The following PARD3 variants were observed in gnomAD, a reference collection of about 807,000 sequenced individuals.
PARD3 encodes the protein par-3 family cell polarity regulator.
A neutral mutation model predicts 155.4 loss-of-function variants in PARD3; 75 were observed. The observed-to-expected ratio is 0.48, with a 90% CI of 0.40 to 0.58. PARD3 has a LOEUF of 0.58. Ranked by LOEUF, PARD3 falls within the 20% of genes least tolerant of loss-of-function variation. The pLI is 0.00. For missense variants in PARD3, 1,642 were observed against 1,721.7 expected (o/e 0.95, Z 0.82); for synonymous variants, 576 against 610.5 (o/e 0.94, Z 0.83).
chr10:34,806,716 G>A (rs527492106), intron 1 of PARD3, among the ~76,000 whole-genome samples: 116 of 152,262 alleles, frequency 7.6e-4, no homozygotes, highest in African/African-American at 2.6e-3. Context: ...TGGGGGGGTC[G>A]GGGTGAGGCA....
At chr10:34,336,298 T>G in intron 17 of PARD3, 55 bp from the exon 18 acceptor site, 2 of 1,303,276 alleles carry the variant, frequency 1.5e-6, no homozygotes, top group Admixed American at 3.5e-5. Flanking sequence ...TAGCCCACCA[T>G]GCTTCCACCA....
chr10:34,719,044 C>G (rs945170291), intron 1 of PARD3, among the ~76,000 whole-genome samples: 1 of 152,190 alleles, frequency 6.6e-6, no homozygotes, highest in Non-Finnish European at 1.5e-5. Flanking sequence ...ACAATACACT[C>G]CATCACAACT....
chr10:34,213,620 A>T (rs773176858), intron 22 of PARD3, among the ~76,000 whole-genome samples: 1 of 152,130 alleles, frequency 6.6e-6, no homozygotes, highest in African/African-American at 2.4e-5. Context: ...TTGGTTTCCT[A>T]TTTGGTTATG....
At chr10:34,377,064 G>C (rs1371399013) in intron 10 of PARD3, among the ~76,000 whole-genome samples, 2 of 151,928 alleles carry the variant, frequency 1.3e-5, no homozygotes, top group African/African-American at 4.8e-5. Flanking sequence ...ATTCAAAAAC[G>C]ATTTTTCTTT....
chr10:34,277,683 C>G (rs566226577), intron 21 of PARD3, among the ~76,000 whole-genome samples: 19 of 152,218 alleles, frequency 1.2e-4, no homozygotes, highest in Admixed American at 1.2e-3. Context: ...GGAAAGTTAA[C>G]TTGCATCCCT....
intron 1 of PARD3, among the ~76,000 whole-genome samples, chr10:34,738,051 C>G (rs2094947042): frequency 6.6e-6 from 1 of 152,208 alleles, no homozygotes; most frequent in Non-Finnish European, 1.5e-5. Flanking sequence ...GGATATGGGT[C>G]TTACTACAGG....
chr10:34,384,096 G>C (rs779234093), intron 8 of PARD3, 33 bp downstream of exon 8: 61 of 1,604,596 alleles, frequency 3.8e-5, no homozygotes, highest in Non-Finnish European at 5.2e-5. Context: ...CCTAATGCAA[G>C]TAAGAACAGA....
Position 34,595,479 on chromosome 10 carries a change from C to T in PARD3, c.223-78320G>A, listed in dbSNP as rs1283882368. Among the ~76,000 whole-genome samples the T allele has an allele frequency of 4.6e-5, 7 of 152,200 alleles. No individual in the cohort carries two copies. In the East Asian group the frequency reaches 1.4e-3, roughly 29 times the overall value. On this transcript the variant is annotated intron_variant, in intron 2 of 24. Coordinates refer to ENST00000374788, the MANE Select transcript of PARD3 (RefSeq NM_001184785.2). ...TAAAGCACCTTACAAGGCACAATGC[C>T]ATCAATTTGGTTAAATTTCAAGTTG... is the stretch of plus-strand genomic sequence containing the variant.
chr10:34,479,676 G>C (rs891586143), intron 3 of PARD3, among the ~76,000 whole-genome samples: 1 of 152,126 alleles, frequency 6.6e-6, no homozygotes, highest in Non-Finnish European at 1.5e-5. Context: ...CACCACAGTA[G>C]ACAACTGCAT....
intron 22 of PARD3, among the ~76,000 whole-genome samples, chr10:34,245,045 T>A (rs889582234): frequency 9.3e-5 from 14 of 150,742 alleles, no homozygotes; most frequent in African/African-American, 3.5e-4. Context: ...AAAGAAGATG[T>A]CGGGAGAACA....
At chr10:34,372,124 T>C (rs917671076) in intron 12 of PARD3, among the ~76,000 whole-genome samples, 1 of 152,168 alleles carries the variant, frequency 6.6e-6, no homozygotes, top group Non-Finnish European at 1.5e-5. Context: ...CCTCCCTTTT[T>C]TTCCATGATT....
At chr10:34,178,875 A>G (rs1950146784) in intron 22 of PARD3, among the ~76,000 whole-genome samples, 1 of 152,196 alleles carries the variant, frequency 6.6e-6, no homozygotes, top group Admixed American at 6.5e-5. Context: ...CAGTGATGGA[A>G]TTGAGGTTCC....
chr10:34,763,266 C>T (rs982374668), intron 1 of PARD3, among the ~76,000 whole-genome samples: 1 of 152,222 alleles, frequency 6.6e-6, no homozygotes, highest in Admixed American at 6.5e-5. Context: ...GAGCCTTGAG[C>T]TCATAAACAC....
intron 12 of PARD3, among the ~76,000 whole-genome samples, chr10:34,365,729 A>G (rs1839902201): frequency 6.6e-6 from 1 of 152,112 alleles, no homozygotes; most frequent in Non-Finnish European, 1.5e-5. Context: ...TTGGGACTAA[A>G]GGCGTGAGCC....
Position 34,399,400 on chromosome 10 carries a change from G to A in PARD3, c.820C>T (p.Leu274Phe). 2 of 1,607,892 alleles carry A rather than the reference G, an allele frequency of 1.2e-6. No individual in the cohort carries two copies. The highest frequency in any genetic ancestry group is 1.7e-6 in the Non-Finnish European group (2 of 1,174,464). The change falls in exon 7 of 25, where the codon CTC (leucine) becomes TTC (phenylalanine). Residue 274 changes from leucine (L) to phenylalanine (F), a missense_variant. Physicochemically the swap from Leu to Phe is conservative, Grantham distance 22. This residue lies in a region of PARD3 where 1,529 missense variants were observed against 1,587.3 expected (regional missense o/e 0.96). Coordinates refer to ENST00000374788, the MANE Select transcript of PARD3 (RefSeq NM_001184785.2). ...PNFSLDDMVK[L>F]VEVPNDGGPL... ...CCTCCATCGTTGGGGACTTCTACGA[G>A]CTTTACCATATCACTGTGAGACAAT... is the stretch of plus-strand genomic sequence containing the variant.
intron 5 of PARD3, among the ~76,000 whole-genome samples, chr10:34,434,913 G>A (rs926372993): frequency 4.6e-5 from 7 of 152,074 alleles, no homozygotes; most frequent in Admixed American, 1.3e-4. Flanking sequence ...ACATTCACAC[G>A]AGGCTTTGCT....
At chr10:34,633,534 T>C (rs2092355342) in intron 2 of PARD3, among the ~76,000 whole-genome samples, 1 of 152,226 alleles carries the variant, frequency 6.6e-6, no homozygotes. Context: ...CTTCCTGTTT[T>C]ATGACTGACT....
chr10:34,562,759 AT>A lies in PARD3; in HGVS notation c.223-45601del, dbSNP rs111964840. On this transcript the variant is annotated intron_variant, in intron 2 of 24. Coordinates refer to ENST00000374788, the MANE Select transcript of PARD3 (RefSeq NM_001184785.2). ...TAACTTATTAAAACTGATTATTTTA[AT>A]TTTTTTTTTTTAATTCTAAGTACAG... Among the ~76,000 whole-genome samples, 400 of 148,164 alleles carry A rather than the reference AT, an allele frequency of 2.7e-3. 4 individuals carry two copies. Among genetic ancestry groups the A allele is most frequent in the Admixed American group, 0.02 (291 of 14,856 alleles).
intron 14 of PARD3, among the ~76,000 whole-genome samples, chr10:34,352,904 G>C (rs531787788): frequency 6.6e-6 from 1 of 151,060 alleles, no homozygotes; most frequent in Non-Finnish European, 1.5e-5. Flanking sequence ...AGTGAGGAGC[G>C]TCTCTGCCCG....
Sources: gnomAD v4.1 joint callset for allele counts (sites outside exome capture counted in the v4.1 genomes callset) on GRCh38, gnomAD v4.1.1 for gene constraint, gnomAD v4.1.1 regional missense constraint, MANE v1.5 for transcripts, NCBI Gene and HGNC (gene_info 2026-07-23, HGNC 2026-07-21) for gene names.